SH3BGR: variants seen among roughly 807,000 people sequenced by gnomAD.
The protein encoded by SH3BGR is SH3 domain-binding glutamic acid-rich protein.
A neutral mutation model predicts 24.5 loss-of-function variants in SH3BGR; 29 were observed. That is an observed-to-expected ratio of 1.18 (90% CI 0.88 to 1.61). The LOEUF (loss-of-function observed/expected upper bound fraction) is 1.61, where lower values mean the gene tolerates loss of function less well. SH3BGR is among the 40% of genes most tolerant of loss of function. SH3BGR has a pLI of 0.00. For missense variants in SH3BGR, 162 were observed against 205.8 expected (o/e 0.79, Z 1.30); for synonymous variants, 55 against 65.7 (o/e 0.84, Z 0.79).
At chr21:39,455,043 G>T (rs544826143) in intron 1 of SH3BGR, among the ~76,000 whole-genome samples, 3 of 152,204 alleles carry the variant, frequency 2.0e-5, no homozygotes, top group Non-Finnish European at 2.9e-5. Context: ...AACACAGGTC[G>T]TCTCTGGCTC....
chr21:39,455,855 G>A (rs2077646896), intron 1 of SH3BGR, among the ~76,000 whole-genome samples: 1 of 152,206 alleles, frequency 6.6e-6, no homozygotes, highest in African/African-American at 2.4e-5. Flanking sequence ...ATTACAGGGG[G>A]CAAACAGATT....
intron 5 of SH3BGR, 36 bp downstream of exon 5, chr21:39,509,063 T>A (rs1184524694): frequency 6.4e-7 from 1 of 1,568,140 alleles, no homozygotes; most frequent in Non-Finnish European, 8.7e-7. Context: ...GTGCTTAATC[T>A]GCTTAATAAA....
intron 3 of SH3BGR, among the ~76,000 whole-genome samples, chr21:39,490,442 T>C (rs1231044911): frequency 6.6e-6 from 1 of 152,222 alleles, no homozygotes; most frequent in Non-Finnish European, 1.5e-5. Flanking sequence ...CCGACCATGA[T>C]TGTGCATTTT....
intron 1 of SH3BGR, among the ~76,000 whole-genome samples, chr21:39,446,432 G>A (rs1006497075): frequency 1.3e-5 from 2 of 152,122 alleles, no homozygotes; most frequent in African/African-American, 4.8e-5. Context: ...ACCCCTGACT[G>A]TTTCCTTAGG....
intron 3 of SH3BGR, among the ~76,000 whole-genome samples, chr21:39,496,137 C>T (rs552135687): frequency 4.5e-4 from 68 of 151,898 alleles, no homozygotes; most frequent in African/African-American, 1.6e-3. Flanking sequence ...TTTTAGGAGC[C>T]GTAGTTATTG....
Position 39,505,933 on chromosome 21 carries a change from T to A in SH3BGR, c.406-3065T>A, listed in dbSNP as rs1441554743. On this transcript the variant is annotated intron_variant, in intron 4 of 6. Transcript: ENST00000333634. ...AATATAACTAATAAAAATAATTGGA[T>A]TCAGAAGAATGTAAAACTCTACATA... Among the ~76,000 whole-genome samples the A allele has an allele frequency of 2.6e-5, 4 of 152,178 alleles. No homozygotes were observed. In the South Asian group the frequency reaches 8.3e-4, roughly 32 times the overall value.
At chr21:39,484,404 C>G (rs2078177491) in intron 3 of SH3BGR, among the ~76,000 whole-genome samples, 1 of 152,120 alleles carries the variant, frequency 6.6e-6, no homozygotes, top group Non-Finnish European at 1.5e-5. Context: ...GTAAATGGGA[C>G]AGGTTTGTTT....
intron 3 of SH3BGR, among the ~76,000 whole-genome samples, chr21:39,479,198 TGTG>T (rs1033774496): frequency 6.8e-6 from 1 of 147,996 alleles, no homozygotes. Context: ...AACGAGGCTA[TGTG>T]GTGGTGGTGG....
At chr21:39,481,738 A>C (rs1569162317) in intron 3 of SH3BGR, among the ~76,000 whole-genome samples, 1 of 152,224 alleles carries the variant, frequency 6.6e-6, no homozygotes, top group Non-Finnish European at 1.5e-5. Context: ...TATAATTCAT[A>C]CCTGGTTGTT....
chr21:39,497,550 A>G lies in SH3BGR; in HGVS notation c.313-2273A>G, dbSNP rs568138517. On this transcript the variant is annotated intron_variant, in intron 3 of 6. Transcript: ENST00000333634. ...CATTTGTAACATGACAAAGGACTAA[A>G]ATTTTTAATATAGAAAGATACTCTA... Among the ~76,000 whole-genome samples, 13 of 152,158 alleles carry G rather than the reference A, an allele frequency of 8.5e-5. No homozygotes were observed. The South Asian group carries it at 2.7e-3, about 32-fold the overall frequency.
At chr21:39,500,083 G>A (rs1025256967) in intron 4 of SH3BGR, among the ~76,000 whole-genome samples, 168 bp downstream of exon 4, 1 of 152,142 alleles carries the variant, frequency 6.6e-6, no homozygotes, top group Non-Finnish European at 1.5e-5. Context: ...TTAAGCACTG[G>A]AATCCTGGTG....
At chr21:39,503,938 G>A (rs984093805) in intron 4 of SH3BGR, among the ~76,000 whole-genome samples, 22 of 152,168 alleles carry the variant, frequency 1.4e-4, no homozygotes, top group African/African-American at 2.7e-4. Flanking sequence ...GGGAGGGTGA[G>A]GGGCTAAGGA....
At chr21:39,483,900 T>C (rs545865193) in intron 3 of SH3BGR, among the ~76,000 whole-genome samples, 1 of 152,278 alleles carries the variant, frequency 6.6e-6, no homozygotes, top group South Asian at 2.1e-4. Context: ...GAAGATTTAG[T>C]AGGAGCTCAG....
intron 3 of SH3BGR, chr21:39,488,742 T>A: frequency 2.2e-6 from 1 of 454,920 alleles, no homozygotes; most frequent in South Asian, 1.8e-5. Context: ...CGGCCGGGCA[T>A]GAGGACAGCA....
chr21:39,459,391 A>C (rs1569150787), intron 1 of SH3BGR, among the ~76,000 whole-genome samples: 2 of 151,830 alleles, frequency 1.3e-5, no homozygotes, highest in African/African-American at 4.8e-5. Flanking sequence ...TGCCCAGCTA[A>C]TTTTTGTATT....
At chr21:39,468,303 C>T (rs921866333) in intron 2 of SH3BGR, among the ~76,000 whole-genome samples, 32 of 152,184 alleles carry the variant, frequency 2.1e-4, no homozygotes, top group African/African-American at 7.7e-4. Context: ...ATAAGAAATA[C>T]ATAATTTAAA....
intron 1 of SH3BGR, chr21:39,446,931 G>A (rs1049538456): frequency 2.0e-5 from 3 of 152,062 alleles, no homozygotes; most frequent in African/African-American, 4.8e-5. Flanking sequence ...GGAGAAACGG[G>A]TGTTTTTTTT....
At chr21:39,494,291 C>G (rs1471198357) in intron 3 of SH3BGR, among the ~76,000 whole-genome samples, 1 of 150,594 alleles carries the variant, frequency 6.6e-6, no homozygotes, top group Non-Finnish European at 1.5e-5. Flanking sequence ...TGTGCTTACC[C>G]AGACTTTTAA....
intron 5 of SH3BGR, among the ~76,000 whole-genome samples, chr21:39,510,368 A>G (rs111399111): frequency 0.044 from 5,906 of 132,866 alleles, 165 homozygotes; most frequent in Middle Eastern, 0.088. Flanking sequence ...AGCTACATAC[A>G]CACACACACA....
Sources: allele counts gnomAD v4.1 joint callset (sites outside exome capture counted in the v4.1 genomes callset), GRCh38; gene constraint gnomAD v4.1.1; transcripts MANE v1.5; gene names NCBI Gene and HGNC (gene_info 2026-07-23, HGNC 2026-07-21).